Variants in GPC4 observed in about 807,000 individuals in gnomAD.
GPC4 encodes the protein glypican-4.
A neutral mutation model predicts 35.0 loss-of-function variants in GPC4; 10 were observed. That is an observed-to-expected ratio of 0.29 (90% confidence interval 0.18 to 0.48). The LOEUF (loss-of-function observed/expected upper bound fraction) is 0.48. GPC4 is among the 20% of genes least tolerant of loss of function. The pLI, the probability that GPC4 is intolerant of heterozygous loss-of-function variation, is 0.99. For synonymous variants in GPC4, 167 were observed against 170.2 expected (o/e 0.98, Z 0.15); for missense variants, 322 against 451.3 (o/e 0.71, Z 2.60).
chrX:133,369,767 A>C (rs2068604618), intron 1 of GPC4, among the ~76,000 whole-genome samples: 1 of 111,743 alleles, frequency 8.9e-6, no homozygotes, highest in Admixed American at 9.5e-5. Flanking sequence ...AGTTTAAATA[A>C]ATCATTTTCA....
chrX:133,359,915 G>A (rs781657193), intron 1 of GPC4, among the ~76,000 whole-genome samples: 1 of 110,919 alleles, frequency 9.0e-6, no homozygotes, highest in African/African-American at 3.3e-5. Flanking sequence ...TCATAAGCGG[G>A]GTTCTAGAAG....
chrX:133,376,294 C>A (rs1237738094), intron 1 of GPC4, among the ~76,000 whole-genome samples: 2 of 112,011 alleles, frequency 1.8e-5, no homozygotes, highest in African/African-American at 6.5e-5. Context: ...CTCTCCCCTG[C>A]CACCCAGGGC....
intron 1 of GPC4, among the ~76,000 whole-genome samples, chrX:133,357,398 T>G (rs866866155): frequency 1.1e-5 from 1 of 93,756 alleles, no homozygotes; most frequent in Admixed American, 1.1e-4. Flanking sequence ...AAAAAAAAAA[T>G]TTTTTTTTTT....
At position 133,345,172 on chromosome X, in the gene GPC4, A is replaced by G. The variant is rs189249101; in HGVS notation, c.161-5831T>C. On this transcript the variant is annotated intron_variant, in intron 1 of 8. Transcript: ENST00000370828. The stretch of plus-strand genomic sequence containing the variant: ...TAGGGATAATTAAGTTTTATCTAGA[A>G]GTCAGGAATATGGGTTTGAAGCCCA... Among the ~76,000 whole-genome samples the G allele has an allele frequency of 2.7e-5, 3 of 112,145 alleles. No homozygotes were observed. The Admixed American group carries it at 2.8e-4, about 11-fold the overall frequency.
intron 1 of GPC4, among the ~76,000 whole-genome samples, chrX:133,376,854 G>C (rs1003248967): frequency 4.5e-5 from 5 of 111,935 alleles, no homozygotes; most frequent in Non-Finnish European, 9.4e-5. Context: ...CATTGACAAG[G>C]AGGCACCGGG....
chrX:133,305,089 C>A (rs1030774158), intron 6 of GPC4, among the ~76,000 whole-genome samples: 1 of 111,817 alleles, frequency 8.9e-6, no homozygotes, highest in Non-Finnish European at 1.9e-5. Context: ...GACCCCTTGC[C>A]CACCTCATTG....
At chrX:133,414,478 C>G (rs1397879681) in intron 1 of GPC4, 37 of 750,896 alleles carry the variant, frequency 4.9e-5, no homozygotes, top group Non-Finnish European at 5.6e-5. Flanking sequence ...GGGCCACAGT[C>G]CTCAGGGGCT....
chrX:133,326,993 G>A (rs1403042060), intron 2 of GPC4, among the ~76,000 whole-genome samples: 1 of 112,809 alleles, frequency 8.9e-6, no homozygotes, highest in African/African-American at 3.2e-5. Context: ...TATATGACCA[G>A]TGTGTTGCAC....
chrX:133,303,857 A>G (rs1203122998), intron 7 of GPC4, among the ~76,000 whole-genome samples: 1 of 106,135 alleles, frequency 9.4e-6, no homozygotes, highest in East Asian at 3.0e-4. Flanking sequence ...CAATGAGCCA[A>G]GATTGTGCCA....
At chrX:133,413,208 G>A (rs1040152163) in intron 1 of GPC4, among the ~76,000 whole-genome samples, 20 of 111,534 alleles carry the variant, frequency 1.8e-4, no homozygotes, top group Middle Eastern at 4.6e-3. Context: ...AAATCGTGCC[G>A]CTTTGAGGAC....
At chrX:133,316,363 T>C (rs772185732) in intron 3 of GPC4, among the ~76,000 whole-genome samples, 12 of 111,867 alleles carry the variant, frequency 1.1e-4, no homozygotes, top group Non-Finnish European at 2.1e-4. Flanking sequence ...TCTAGGCAAT[T>C]TGGTTCCAGA....
chrX:133,377,877 C>CTTTTTTTTTTT (rs59474368), intron 1 of GPC4, among the ~76,000 whole-genome samples: 2 of 86,189 alleles, frequency 2.3e-5, no homozygotes, highest in Non-Finnish European at 4.5e-5. Context: ...TTTTCTTTTT[C>CTTTTTTTTTTT]TTTTTTTTTT....
At chrX:133,386,841 C>G (rs957367932) in intron 1 of GPC4, among the ~76,000 whole-genome samples, 6 of 111,331 alleles carry the variant, frequency 5.4e-5, no homozygotes, top group African/African-American at 1.6e-4. Flanking sequence ...AAAAAATAAC[C>G]CACATGCTAA....
At chrX:133,346,248 G>T (rs1360363353) in intron 1 of GPC4, among the ~76,000 whole-genome samples, 12 of 111,936 alleles carry the variant, frequency 1.1e-4, no homozygotes, top group Non-Finnish European at 2.3e-4. Context: ...TGTCACTTAA[G>T]CGTGGAAAGT....
chrX:133,397,972 G>C (rs187398287), intron 1 of GPC4, among the ~76,000 whole-genome samples: 1 of 111,626 alleles, frequency 9.0e-6, no homozygotes, highest in African/African-American at 3.3e-5. Flanking sequence ...GCTGAGGCAG[G>C]AGAATCACTT....
chrX:133,411,289 G>T (rs191231540), intron 1 of GPC4, among the ~76,000 whole-genome samples: 137 of 111,883 alleles, frequency 1.2e-3, no homozygotes, highest in Non-Finnish European at 1.6e-3. Context: ...ATTGTGAAGA[G>T]GACCTTTGGC....
At chrX:133,333,696 C>A (rs1355570637) in intron 2 of GPC4, among the ~76,000 whole-genome samples, 1 of 112,830 alleles carries the variant, frequency 8.9e-6, no homozygotes, top group Non-Finnish European at 1.9e-5. Context: ...CTGGCATAAT[C>A]TGGAAGAAAC....
intron 1 of GPC4, among the ~76,000 whole-genome samples, chrX:133,411,688 C>T (rs1045722191): frequency 9.0e-6 from 1 of 111,646 alleles, no homozygotes; most frequent in African/African-American, 3.3e-5. Context: ...CTTGCTGTCT[C>T]CACAATGCTG....
At chrX:133,319,443 C>CAAAAAAAAAA (rs369290840) in intron 3 of GPC4, among the ~76,000 whole-genome samples, 4 of 16,885 alleles carry the variant, frequency 2.4e-4, no homozygotes, top group African/African-American at 7.5e-4. Flanking sequence ...GACCCTATGT[C>CAAAAAAAAAA]AAAAAAAAAA....
Sources: gnomAD v4.1 joint callset for allele counts (sites outside exome capture counted in the v4.1 genomes callset) on GRCh38, gnomAD v4.1.1 for gene constraint, MANE v1.5 for transcripts, NCBI Gene and HGNC (gene_info 2026-07-23, HGNC 2026-07-21) for gene names.